Variants in RGS6 observed in about 807,000 individuals in gnomAD.
RGS6 encodes the protein regulator of G-protein signaling 6.
Under a neutral mutation model 78.5 loss-of-function variants are expected in RGS6, and 30 were observed. That is an observed-to-expected ratio of 0.38 (90% confidence interval 0.29 to 0.52). The LOEUF is 0.52. Ranked by LOEUF, RGS6 falls within the 20% of genes least tolerant of loss-of-function variation. The pLI is 0.85. For synonymous variants in RGS6, 206 were observed against 206.0 expected, an observed-to-expected ratio of 1.00 and a Z score of 0.00; for missense variants, 495 against 609.7, an observed-to-expected ratio of 0.81 and a Z score of 1.98.
chr14:72,495,750 G>A (rs2096636807), intron 13 of RGS6, among the ~76,000 whole-genome samples: 1 of 152,188 alleles, frequency 6.6e-6, no homozygotes, highest in South Asian at 2.1e-4. Context: ...GTACAGCAGA[G>A]TTAGGACTAG....
At chr14:72,119,998 C>G (rs749048588) in intron 2 of RGS6, among the ~76,000 whole-genome samples, 1 of 152,094 alleles carries the variant, frequency 6.6e-6, no homozygotes, top group South Asian at 2.1e-4. Flanking sequence ...ACTGGAGCTG[C>G]GGAGGAAGTA....
chr14:72,410,342 G>A lies in RGS6; in HGVS notation c.185-44186G>A, dbSNP rs568528532. Among the ~76,000 whole-genome samples, 6 of 152,314 alleles carry A rather than the reference G, an allele frequency of 3.9e-5. No homozygotes were observed. The East Asian group carries it at 9.6e-4, about 24-fold the overall frequency. The stretch of plus-strand genomic sequence containing the variant: ...AGTGATGATGAGCATTTTTTCATGT[G>A]TTCTTTGGCTGCATAAATGTCTTCT... On this transcript the variant is annotated intron_variant, in intron 3 of 17. Transcript: ENST00000553525.
chr14:72,072,803 TAAGC>T (rs1282034713), intron 2 of RGS6, among the ~76,000 whole-genome samples: 1 of 152,200 alleles, frequency 6.6e-6, no homozygotes, highest in Non-Finnish European at 1.5e-5. Context: ...CAAAATATAT[TAAGC>T]AGCATCACAT....
At chr14:72,475,120 A>T (rs2096203573) in intron 10 of RGS6, among the ~76,000 whole-genome samples, 1 of 152,110 alleles carries the variant, frequency 6.6e-6, no homozygotes, top group East Asian at 1.9e-4. Context: ...AGGGGAGGAA[A>T]CAAAAGGAGC....
chr14:72,263,988 G>A (rs1218766473), intron 2 of RGS6, among the ~76,000 whole-genome samples: 1 of 152,174 alleles, frequency 6.6e-6, no homozygotes, highest in Non-Finnish European at 1.5e-5. Flanking sequence ...ACTGTTTACT[G>A]ACACCCTTAG....
At chr14:72,122,766 A>G (rs2096084682) in intron 2 of RGS6, among the ~76,000 whole-genome samples, 1 of 144,112 alleles carries the variant, frequency 6.9e-6, no homozygotes, top group Non-Finnish European at 1.5e-5. Context: ...TCCATTCTAT[A>G]TACTCCCTAA....
intron 2 of RGS6, among the ~76,000 whole-genome samples, chr14:71,980,408 C>G (rs574422237): frequency 7.2e-4 from 109 of 151,454 alleles, no homozygotes; most frequent in Non-Finnish European, 8.1e-4. Flanking sequence ...ACCGGTTGTT[C>G]TTTTCCATGT....
At chr14:72,408,099 TTTATCCAC>T (rs2093088082) in intron 3 of RGS6, among the ~76,000 whole-genome samples, 1 of 152,230 alleles carries the variant, frequency 6.6e-6, no homozygotes, top group South Asian at 2.1e-4. Context: ...CTCATGCTTG[TTTATCCAC>T]TTATAACACT....
At chr14:71,942,027 T>C (rs1879287218) in intron 1 of RGS6, among the ~76,000 whole-genome samples, 1 of 152,196 alleles carries the variant, frequency 6.6e-6, no homozygotes, top group African/African-American at 2.4e-5. Flanking sequence ...TCAGTAAGCA[T>C]TGGTTGAATC....
At chr14:72,231,287 TATC>T (rs1252546145) in intron 2 of RGS6, among the ~76,000 whole-genome samples, 1 of 149,128 alleles carries the variant, frequency 6.7e-6, no homozygotes, top group Non-Finnish European at 1.5e-5. Context: ...TTTAAATTAT[TATC>T]ATTGTTACGA....
intron 17 of RGS6, chr14:72,550,602 G>A (rs944833284): frequency 2.7e-5 from 42 of 1,534,618 alleles, no homozygotes; most frequent in Middle Eastern, 1.7e-4. Context: ...ATTCTGATAC[G>A]TGCTCTGTCC....
At chr14:72,238,879 G>C (rs1272061468) in intron 2 of RGS6, among the ~76,000 whole-genome samples, 1 of 152,122 alleles carries the variant, frequency 6.6e-6, no homozygotes, top group Non-Finnish European at 1.5e-5. Flanking sequence ...GTAAACTCAA[G>C]TTGTCCCCCA....
At chr14:72,133,119 G>A (rs998828676) in intron 2 of RGS6, among the ~76,000 whole-genome samples, 4 of 152,078 alleles carry the variant, frequency 2.6e-5, no homozygotes, top group Admixed American at 2.6e-4. Flanking sequence ...TCATTGGGTA[G>A]GGACATCATT....
intron 2 of RGS6, among the ~76,000 whole-genome samples, chr14:72,199,897 T>A (rs1270228081): frequency 6.6e-6 from 1 of 152,238 alleles, no homozygotes; most frequent in Non-Finnish European, 1.5e-5. Context: ...CTCATTTATA[T>A]ACAGATGGTC....
At chr14:72,545,061 C>G (rs892024324) in intron 17 of RGS6, among the ~76,000 whole-genome samples, 1 of 152,246 alleles carries the variant, frequency 6.6e-6, no homozygotes, top group African/African-American at 2.4e-5. Context: ...TCCCAAATAC[C>G]TAGACTCAGC....
At chr14:72,385,309 G>C (rs2087604502) in intron 3 of RGS6, among the ~76,000 whole-genome samples, 1 of 152,196 alleles carries the variant, frequency 6.6e-6, no homozygotes, top group East Asian at 1.9e-4. Context: ...ATGTTAAAAG[G>C]GGGCGTCATT....
chr14:72,183,887 G>A (rs979466319), intron 2 of RGS6, among the ~76,000 whole-genome samples: 10 of 152,162 alleles, frequency 6.6e-5, no homozygotes, highest in Admixed American at 6.5e-4. Context: ...GCAGGATGTA[G>A]TTGCTCGTGT....
At chr14:72,106,096 C>T (rs1379681314) in intron 2 of RGS6, among the ~76,000 whole-genome samples, 1 of 152,150 alleles carries the variant, frequency 6.6e-6, no homozygotes, top group Admixed American at 6.5e-5. Context: ...CTGTATAGCA[C>T]ATCAGAGAAC....
chr14:72,297,439 T>G (rs79946335), intron 2 of RGS6, among the ~76,000 whole-genome samples: 11 of 150,556 alleles, frequency 7.3e-5, no homozygotes, highest in Non-Finnish European at 1.2e-4. Flanking sequence ...ATTTTTTTTT[T>G]ATACTTTAAG....
Sources: allele counts gnomAD v4.1 joint callset (sites outside exome capture counted in the v4.1 genomes callset), GRCh38; gene constraint gnomAD v4.1.1; transcripts MANE v1.5; gene names NCBI Gene and HGNC (gene_info 2026-07-23, HGNC 2026-07-21).